The following CDC123 variants were observed in gnomAD, a reference collection of about 807,000 sequenced individuals.
CDC123 encodes cell division cycle 123.
In CDC123, 37 loss-of-function variants were observed where a neutral mutation model predicts 54.4. The ratio of observed to expected loss-of-function variants is 0.68; its 90% CI spans 0.52 to 0.89. The LOEUF is 0.89. Among genes scored for constraint, CDC123 ranks in the 40% least tolerant of loss-of-function variants. The pLI is 0.00. For missense variants in CDC123, 361 were observed against 412.1 expected, an observed-to-expected ratio of 0.88 and a Z score of 1.07; for synonymous variants, 144 against 136.8, an observed-to-expected ratio of 1.05 and a Z score of -0.37.
intron 10 of CDC123, among the ~76,000 whole-genome samples, chr10:12,238,861 A>C (rs1836015366): frequency 6.6e-6 from 1 of 152,086 alleles, no homozygotes; most frequent in South Asian, 2.1e-4. Flanking sequence ...CTCTACTAAA[A>C]ATACAAAAAA....
intron 10 of CDC123, among the ~76,000 whole-genome samples, chr10:12,241,672 T>TTTATTTA (rs1293419591): frequency 6.6e-6 from 1 of 152,228 alleles, no homozygotes; most frequent in Non-Finnish European, 1.5e-5. Flanking sequence ...TTTGAGTTCA[T>TTTATTTA]CTTCAGTGAG....
Position 12,235,088 on chromosome 10 carries a change from A to G in CDC123, c.530A>G (p.Glu177Gly). The G allele has an allele frequency of 6.2e-7, 1 of 1,613,914 alleles. No individual in the cohort carries two copies. Among genetic ancestry groups the G allele is most frequent in the Non-Finnish European group, 8.5e-7 (1 of 1,179,930 alleles). Residue 177 changes from glutamate (E) to glycine (G), a missense_variant, in exon 8 of 13, where the codon GAG becomes GGG. Glu to Gly is a moderately conservative substitution (Grantham distance 98). Coordinates refer to ENST00000281141, the MANE Select transcript of CDC123 (RefSeq NM_006023.3). ...TGGTGTGAATTGATTCCTGGGGCTG[A>G]GTTTCGATGTTTTGTCAAGGAAAAC... ...RKWCELIPGA[E>G]FRCFVKENKL...
chr10:12,199,190 C>A (rs1026993750), intron 2 of CDC123, among the ~76,000 whole-genome samples: 2 of 152,180 alleles, frequency 1.3e-5, no homozygotes, highest in Non-Finnish European at 2.9e-5. Context: ...CGTGGCCCCC[C>A]CTCCACTTTC....
At chr10:12,226,925 A>G (rs1043078319) in intron 6 of CDC123, among the ~76,000 whole-genome samples, 14 of 151,876 alleles carry the variant, frequency 9.2e-5, no homozygotes, top group Non-Finnish European at 2.1e-4. Context: ...TGGAGGTTGT[A>G]GCGAGCCGAG....
At chr10:12,206,339 T>C (rs1282970114) in intron 2 of CDC123, among the ~76,000 whole-genome samples, 2 of 152,254 alleles carry the variant, frequency 1.3e-5, no homozygotes, top group African/African-American at 2.4e-5. Flanking sequence ...AAAGATAATG[T>C]TGCATTTGAA....
chr10:12,249,872 T>C, intron 12 of CDC123, 154 bp downstream of exon 12: 1 of 1,000,364 alleles, frequency 1.0e-6, no homozygotes, highest in Non-Finnish European at 1.4e-6. Context: ...TCTAATTAAA[T>C]ATGAAATAGG....
At chr10:12,245,820 C>T (rs764612790) in intron 10 of CDC123, 8 of 198,650 alleles carry the variant, frequency 4.0e-5, no homozygotes, top group Non-Finnish European at 8.2e-5. Context: ...TCTGTAATCC[C>T]AGCACTTTGG....
chr10:12,240,135 C>G (rs192904644), intron 10 of CDC123, among the ~76,000 whole-genome samples: 1 of 151,916 alleles, frequency 6.6e-6, no homozygotes, highest in South Asian at 2.1e-4. Context: ...GTGATGAAAA[C>G]TTCTGTAAGG....
At chr10:12,220,998 A>G (rs544680363) in intron 6 of CDC123, among the ~76,000 whole-genome samples, 2 of 151,564 alleles carry the variant, frequency 1.3e-5, no homozygotes, top group Non-Finnish European at 2.9e-5. Context: ...AAAGTTATAG[A>G]TTCATTCTTT....
chr10:12,240,750 CCCCAGCTACT>C (rs150469992), intron 10 of CDC123, among the ~76,000 whole-genome samples: 19,157 of 152,034 alleles, frequency 0.13, 1,477 homozygotes, highest in East Asian at 0.21. Context: ...GTGCCTGTAG[CCCCAGCTACT>C]CCCGGGAGCT....
intron 6 of CDC123, among the ~76,000 whole-genome samples, chr10:12,224,122 T>C (rs1264931705): frequency 6.6e-6 from 1 of 152,104 alleles, no homozygotes; most frequent in Non-Finnish European, 1.5e-5. Context: ...TGTTTGGTTT[T>C]CCGTTCCTGC....
At chr10:12,213,152 A>G (rs1835624477) in intron 4 of CDC123, among the ~76,000 whole-genome samples, 1 of 152,258 alleles carries the variant, frequency 6.6e-6, no homozygotes, top group African/African-American at 2.4e-5. Flanking sequence ...ACAGTGAGAA[A>G]GAGGATAGTT....
At chr10:12,201,833 G>T (rs1342093566) in intron 2 of CDC123, among the ~76,000 whole-genome samples, 2 of 152,184 alleles carry the variant, frequency 1.3e-5, no homozygotes, top group Admixed American at 1.3e-4. Flanking sequence ...GACTGGGTGA[G>T]ACCTGCTAGT....
At chr10:12,234,908 C>T in intron 7 of CDC123, 140 bp from the exon 8 acceptor site, 1 of 602,222 alleles carries the variant, frequency 1.7e-6, no homozygotes. Context: ...GCCATCATGC[C>T]CGGCCAAGAA....
At chr10:12,202,717 C>T (rs1387048996) in intron 2 of CDC123, among the ~76,000 whole-genome samples, 1 of 152,228 alleles carries the variant, frequency 6.6e-6, no homozygotes, top group East Asian at 1.9e-4. Flanking sequence ...ACCGGTTTAT[C>T]ATAAAGGATG....
intron 4 of CDC123, among the ~76,000 whole-genome samples, chr10:12,214,174 C>T (rs1351898738): frequency 6.6e-6 from 1 of 152,088 alleles, no homozygotes; most frequent in Admixed American, 6.6e-5. Context: ...AAAAGTAATC[C>T]TTAGATGTCA....
intron 10 of CDC123, among the ~76,000 whole-genome samples, chr10:12,240,913 A>C (rs1322412144): frequency 6.6e-6 from 1 of 152,164 alleles, no homozygotes; most frequent in African/African-American, 2.4e-5. Context: ...GTGTCATTTC[A>C]CACGCTGCAG....
chr10:12,223,373 C>T (rs1835762605), intron 6 of CDC123, among the ~76,000 whole-genome samples: 1 of 152,062 alleles, frequency 6.6e-6, no homozygotes, highest in Non-Finnish European at 1.5e-5. Flanking sequence ...GCAACCGCTG[C>T]CTCCCAGGTT....
chr10:12,220,171 G>T (rs1401364358), intron 6 of CDC123, among the ~76,000 whole-genome samples: 1 of 152,192 alleles, frequency 6.6e-6, no homozygotes, highest in Non-Finnish European at 1.5e-5. Flanking sequence ...CAGTTGCAGT[G>T]AGTGTGGGAA....
Sources: gnomAD v4.1 joint callset for allele counts (sites outside exome capture counted in the v4.1 genomes callset) on GRCh38, gnomAD v4.1.1 for gene constraint, MANE v1.5 for transcripts, NCBI Gene and HGNC (gene_info 2026-07-23, HGNC 2026-07-21) for gene names.